Variants in SHISA9 observed in about 807,000 individuals in gnomAD.
SHISA9 encodes protein shisa-9.
In SHISA9, 13 loss-of-function variants were observed where a neutral mutation model predicts 38.0. That is an observed-to-expected ratio of 0.34 (90% CI 0.22 to 0.54). SHISA9 has a LOEUF of 0.54. Ranked by LOEUF, SHISA9 falls within the 20% of genes least tolerant of loss-of-function variation. The pLI is 0.91. For synonymous variants in SHISA9, 275 were observed against 242.0 expected (o/e 1.14, Z -1.27); for missense variants, 538 against 575.8 (o/e 0.93, Z 0.67).
the SHISA9 span, among the ~76,000 whole-genome samples, chr16:13,488,946 T>C: frequency 2.6e-5 from 4 of 152,060 alleles, no homozygotes; most frequent in African/African-American, 9.7e-5. Context: ...GCTAATTTTT[T>C]GTATTTTTAC....
intron 2 of SHISA9, among the ~76,000 whole-genome samples, chr16:12,931,753 G>A (rs1371783622): frequency 6.6e-6 from 1 of 152,152 alleles, no homozygotes; most frequent in African/African-American, 2.4e-5. Flanking sequence ...TGAACATACA[G>A]GTGGGTATTT....
intron 2 of SHISA9, among the ~76,000 whole-genome samples, chr16:13,024,058 G>C (rs2072890881): frequency 6.6e-6 from 1 of 152,232 alleles, no homozygotes; most frequent in Non-Finnish European, 1.5e-5. Flanking sequence ...CTGGGTTAAA[G>C]CTCTTCATTT....
the SHISA9 span, among the ~76,000 whole-genome samples, chr16:13,419,115 T>C: frequency 6.6e-6 from 1 of 152,228 alleles, no homozygotes; most frequent in Non-Finnish European, 1.5e-5. Flanking sequence ...AACTTTTAGT[T>C]CAAGCTTTGT....
At chr16:13,075,788 G>T (rs1274273842) in intron 2 of SHISA9, among the ~76,000 whole-genome samples, 3 of 152,162 alleles carry the variant, frequency 2.0e-5, no homozygotes, top group Non-Finnish European at 4.4e-5. Context: ...CACACAGCTG[G>T]TAAGACAGAA....
chr16:13,157,573 G>T (rs1402394284), intron 2 of SHISA9, among the ~76,000 whole-genome samples: 2 of 152,212 alleles, frequency 1.3e-5, no homozygotes, highest in Admixed American at 1.3e-4. Flanking sequence ...AAAACAGGAT[G>T]TGGTACATAT....
the SHISA9 span, among the ~76,000 whole-genome samples, chr16:13,258,908 T>G: frequency 2.0e-5 from 3 of 152,092 alleles, no homozygotes; most frequent in Admixed American, 1.3e-4. Context: ...ACCATATCAT[T>G]CCACCCCTGG....
At chr16:13,132,753 C>G (rs1217515656) in intron 2 of SHISA9, among the ~76,000 whole-genome samples, 1 of 152,196 alleles carries the variant, frequency 6.6e-6, no homozygotes, top group Non-Finnish European at 1.5e-5. Context: ...AAGCAATTAT[C>G]TTCTGAGTGA....
chr16:12,947,860 A>T (rs1431604262), intron 2 of SHISA9, among the ~76,000 whole-genome samples: 4 of 152,184 alleles, frequency 2.6e-5, no homozygotes, highest in Non-Finnish European at 5.9e-5. Context: ...TGATCCCCCA[A>T]GTAGTGACCG....
At chr16:13,453,972 C>G in the SHISA9 span, among the ~76,000 whole-genome samples, 1 of 152,172 alleles carries the variant, frequency 6.6e-6, no homozygotes, top group African/African-American at 2.4e-5. Flanking sequence ...ACCGTCATCT[C>G]ATACATCAAA....
chr16:13,430,359 G>C, the SHISA9 span, among the ~76,000 whole-genome samples: 1 of 152,116 alleles, frequency 6.6e-6, no homozygotes, highest in African/African-American at 2.4e-5. Flanking sequence ...TGATTCTTAT[G>C]TATTTAGGGA....
chr16:13,407,116 T>A, the SHISA9 span, among the ~76,000 whole-genome samples: 1 of 144,006 alleles, frequency 6.9e-6, no homozygotes, highest in Non-Finnish European at 1.5e-5. Flanking sequence ...CTTGGGCTGC[T>A]CTAGTCTATT....
At chr16:13,115,009 A>AT (rs1306836227) in intron 2 of SHISA9, among the ~76,000 whole-genome samples, 1 of 115,942 alleles carries the variant, frequency 8.6e-6, no homozygotes, top group African/African-American at 5.0e-5. Context: ...ATCTATCATG[A>AT]TTATCTATTT....
the SHISA9 span, among the ~76,000 whole-genome samples, chr16:13,342,566 G>A: frequency 6.6e-6 from 1 of 152,140 alleles, no homozygotes; most frequent in African/African-American, 2.4e-5. Flanking sequence ...GACTACAGGG[G>A]TGAGCCTCCA....
the SHISA9 span, among the ~76,000 whole-genome samples, chr16:13,538,658 G>A: frequency 2.6e-5 from 4 of 152,142 alleles, no homozygotes; most frequent in East Asian, 7.7e-4. Context: ...CAAGAAACAA[G>A]ATGAAAAAGC....
At chr16:13,506,774 G>T in the SHISA9 span, among the ~76,000 whole-genome samples, 1 of 152,100 alleles carries the variant, frequency 6.6e-6, no homozygotes, top group East Asian at 1.9e-4. Flanking sequence ...TGGGCATGGT[G>T]CTATAATCCT....
At chr16:13,086,353 C>CAAAAAAA (rs767516512) in intron 2 of SHISA9, among the ~76,000 whole-genome samples, 13 of 50,898 alleles carry the variant, frequency 2.6e-4, no homozygotes, top group African/African-American at 5.4e-4. Context: ...GATTCCATCT[C>CAAAAAAA]AAAAAAAAAA....
chr16:12,970,646 A>G (rs1157968271), intron 2 of SHISA9, among the ~76,000 whole-genome samples: 5 of 148,112 alleles, frequency 3.4e-5, no homozygotes, highest in African/African-American at 1.2e-4. Flanking sequence ...AAGTAGCTGG[A>G]ACTATAGGCA....
rs187080028 is a variant in SHISA9 at position 12,974,147 on chromosome 16, C to T, written c.691+57332C>T. 2.4e-3 allele frequency among the ~76,000 whole-genome samples: 371 copies of T among 152,172 alleles called. 7 individuals are homozygous for T. The highest frequency in any genetic ancestry group is 3.5e-4 in the Non-Finnish European group (24 of 67,984). ...AGGGAGTTCCAAGGTCCCTAGAGAA[C>T]GGCAATGAAGTCCTATCTAGCGTCC... On this transcript the variant is annotated intron_variant, in intron 2 of 4. Transcript: ENST00000558583.
At chr16:13,390,384 C>T in the SHISA9 span, among the ~76,000 whole-genome samples, 4 of 152,126 alleles carry the variant, frequency 2.6e-5, no homozygotes, top group African/African-American at 9.7e-5. Flanking sequence ...TCTATCTCGG[C>T]TCAGTTGTGT....
Sources: gnomAD v4.1 joint callset for allele counts (sites outside exome capture counted in the v4.1 genomes callset) on GRCh38, gnomAD v4.1.1 for gene constraint, MANE v1.5 for transcripts, NCBI Gene and HGNC (gene_info 2026-07-23, HGNC 2026-07-21) for gene names.